KIF16B: variants seen among roughly 807,000 people sequenced by gnomAD.
KIF16B encodes the protein kinesin family member 16B.
Under a neutral mutation model 156.3 loss-of-function variants are expected in KIF16B, and 98 were observed. That is an observed-to-expected ratio of 0.63 (90% CI 0.53 to 0.74). The LOEUF (loss-of-function observed/expected upper bound fraction) is 0.74, where lower values mean the gene tolerates loss of function less well. KIF16B is among the 30% of genes least tolerant of loss of function. KIF16B has a pLI of 0.00. For synonymous variants in KIF16B, 564 were observed against 583.7 expected, an observed-to-expected ratio of 0.97 and a Z score of 0.49; for missense variants, 1,421 against 1,606.5, an observed-to-expected ratio of 0.88 and a Z score of 1.97.
chr20:16,350,679 G>A (rs1346347492), intron 23 of KIF16B, among the ~76,000 whole-genome samples: 1 of 151,876 alleles, frequency 6.6e-6, no homozygotes, highest in Non-Finnish European at 1.5e-5. Context: ...GGGCAGAATG[G>A]CTCATCAGTG....
intron 12 of KIF16B, among the ~76,000 whole-genome samples, chr20:16,475,731 T>C (rs1181224410): frequency 6.6e-6 from 1 of 152,174 alleles, no homozygotes; most frequent in Non-Finnish European, 1.5e-5. Context: ...ACAAGAAAAG[T>C]CTTTTAAGTG....
At chr20:16,463,669 A>G (rs191781517) in intron 12 of KIF16B, among the ~76,000 whole-genome samples, 18 of 152,290 alleles carry the variant, frequency 1.2e-4, no homozygotes, top group Middle Eastern at 3.4e-3. Flanking sequence ...AGCAACAAGT[A>G]TGAGTGATAG....
intron 3 of KIF16B, among the ~76,000 whole-genome samples, chr20:16,519,818 G>C (rs1287692902): frequency 6.6e-6 from 1 of 152,160 alleles, no homozygotes. Context: ...GAAGTACCCG[G>C]CTGGCTCATC....
intron 17 of KIF16B, among the ~76,000 whole-genome samples, chr20:16,402,693 C>G (rs2065685338): frequency 6.6e-6 from 1 of 152,154 alleles, no homozygotes; most frequent in South Asian, 2.1e-4. Context: ...AATAAAACAA[C>G]AGCAGAAAAC....
chr20:16,458,500 T>A (rs1301380518), intron 12 of KIF16B, among the ~76,000 whole-genome samples: 1 of 152,228 alleles, frequency 6.6e-6, no homozygotes, highest in East Asian at 1.9e-4. Context: ...TGATTAATGA[T>A]CTCATGTGTA....
chr20:16,279,373 T>C (rs540053678), intron 25 of KIF16B, among the ~76,000 whole-genome samples: 1 of 152,280 alleles, frequency 6.6e-6, no homozygotes, highest in Non-Finnish European at 1.5e-5. Flanking sequence ...GTTTGAGAAA[T>C]TCAGGAAAGC....
At chr20:16,314,093 G>A (rs762358593) in intron 24 of KIF16B, among the ~76,000 whole-genome samples, 8 of 152,194 alleles carry the variant, frequency 5.3e-5, no homozygotes, top group Non-Finnish European at 7.3e-5. Flanking sequence ...ATCTTCACCA[G>A]CACTTGGTAC....
At chr20:16,473,310 G>C (rs2067716398) in intron 12 of KIF16B, among the ~76,000 whole-genome samples, 1 of 152,094 alleles carries the variant, frequency 6.6e-6, no homozygotes, top group African/African-American at 2.4e-5. Flanking sequence ...TGCTTAATGT[G>C]ATGTTTCCCA....
intron 25 of KIF16B, among the ~76,000 whole-genome samples, chr20:16,308,346 GAA>G (rs1412892186): frequency 6.6e-6 from 1 of 152,204 alleles, no homozygotes; most frequent in Non-Finnish European, 1.5e-5. Flanking sequence ...AATAATTGCT[GAA>G]TAACTGGAAT....
intron 22 of KIF16B, among the ~76,000 whole-genome samples, chr20:16,356,842 C>T (rs547350913): frequency 6.6e-6 from 1 of 152,318 alleles, no homozygotes; most frequent in South Asian, 2.1e-4. Context: ...TCTTCACACA[C>T]TATCAGACAG....
In KIF16B at chr20:16,405,017, A is replaced by G. The variant is rs549651035; in HGVS notation, c.1696-116T>C. On this transcript the variant is annotated intron_variant, in intron 16 of 25. Coordinates refer to ENST00000354981, the MANE Select transcript of KIF16B (RefSeq NM_024704.5). ...TGAGGTGCACATGCTCCTAATTAAC[A>G]CGCACCACAATTAACTGGTCTATCT... 4.3e-6 allele frequency: 3 copies of G among 697,530 alleles called. No individual in the cohort carries two copies. In the South Asian group the frequency reaches 4.8e-5, roughly 11 times the overall value. 43.2% of individuals were successfully genotyped at this position (697,530 alleles called of 1,614,324 possible). A position where few individuals can be genotyped will look rare whatever the true frequency, so the allele number is the denominator to read the frequency against.
chr20:16,312,202 C>T (rs777480047), intron 25 of KIF16B, 133 bp downstream of exon 25: 7 of 609,812 alleles, frequency 1.1e-5, no homozygotes, highest in Non-Finnish European at 2.0e-5. Context: ...TCTACTGCTG[C>T]CATCTCCTGT....
At chr20:16,556,965 C>A (rs2070871885) in intron 1 of KIF16B, among the ~76,000 whole-genome samples, 2 of 152,012 alleles carry the variant, frequency 1.3e-5, no homozygotes, top group Admixed American at 1.3e-4. Flanking sequence ...CAGCTACTAG[C>A]CACATGTGGC....
intron 12 of KIF16B, 72 bp downstream of exon 12, chr20:16,494,219 T>TA (rs78970970): frequency 0.018 from 13,846 of 748,962 alleles, 105 homozygotes; most frequent in African/African-American, 0.072. Flanking sequence ...GTTTGGAGAT[T>TA]AAAAAAAAAA....
chr20:16,392,478 T>C (rs1411587189), intron 17 of KIF16B, among the ~76,000 whole-genome samples: 3 of 152,156 alleles, frequency 2.0e-5, no homozygotes, highest in South Asian at 4.1e-4. Flanking sequence ...GAAGGGAAAC[T>C]TGAAGATGCA....
At chr20:16,501,925 G>A (rs2068638085) in intron 10 of KIF16B, among the ~76,000 whole-genome samples, 1 of 152,136 alleles carries the variant, frequency 6.6e-6, no homozygotes, top group Non-Finnish European at 1.5e-5. Context: ...CTCTTAAGAA[G>A]CAGGTTAGAT....
chr20:16,482,786 A>T (rs1268538878), intron 12 of KIF16B, among the ~76,000 whole-genome samples: 1 of 152,174 alleles, frequency 6.6e-6, no homozygotes, highest in Non-Finnish European at 1.5e-5. Context: ...AATATATATG[A>T]CACTATAGTA....
intron 25 of KIF16B, among the ~76,000 whole-genome samples, chr20:16,293,603 C>G (rs192064497): frequency 2.0e-5 from 3 of 151,818 alleles, no homozygotes; most frequent in African/African-American, 7.3e-5. Context: ...AGGAAGCAGG[C>G]GAAACAATTC....
chr20:16,487,229 G>A (rs1405592641), intron 12 of KIF16B, among the ~76,000 whole-genome samples: 1 of 151,528 alleles, frequency 6.6e-6, no homozygotes, highest in African/African-American at 2.4e-5. Context: ...TCCAGCCTGG[G>A]TGACAGATCG....
Sources: gnomAD v4.1 joint callset for allele counts (sites outside exome capture counted in the v4.1 genomes callset) on GRCh38, gnomAD v4.1.1 for gene constraint, MANE v1.5 for transcripts, NCBI Gene and HGNC (gene_info 2026-07-23, HGNC 2026-07-21) for gene names.